The following CDV3 variants were observed in gnomAD, a reference collection of about 807,000 sequenced individuals.
CDV3 encodes protein CDV3 homolog.
In CDV3, 14 loss-of-function variants were observed where a neutral mutation model predicts 24.5. The ratio of observed to expected loss-of-function variants is 0.57; its 90% CI spans 0.38 to 0.89. The LOEUF is 0.89. Among genes scored for constraint, CDV3 ranks in the 40% least tolerant of loss-of-function variants. The pLI, the probability that CDV3 is intolerant of heterozygous loss-of-function variation, is 0.00. For missense variants in CDV3, 304 were observed against 310.2 expected, an observed-to-expected ratio of 0.98 and a Z score of 0.15; for synonymous variants, 114 against 114.1, an observed-to-expected ratio of 1.00 and a Z score of 0.00.
Position 133,574,246 on chromosome 3 carries a change from G to C in CDV3, c.202G>C (p.Ala68Pro), listed in dbSNP as rs1344229009. The C allele has an allele frequency of 1.3e-4, 127 of 991,286 alleles. No individual in the cohort carries two copies. The highest frequency in any genetic ancestry group is 1.5e-4 in the Non-Finnish European group (124 of 834,762). The allele number at this position is 991,286 out of a possible 1,614,324, so 61.4% of individuals were successfully genotyped here. The part of the protein sequence containing the change: ...PGDGGTASAG[A>P]AGPGAATKAV... ...TGACGGCGGGACCGCCAGCGCGGGGGCTGCGGGCCCAGGGGCCGCCACCAA... is the reference window on the plus strand; with the variant it reads ...TGACGGCGGGACCGCCAGCGCGGGGCCTGCGGGCCCAGGGGCCGCCACCAA... The change falls in exon 1 of 5, where the codon GCT becomes CCT. Residue 68 changes from alanine (A) to proline (P), a missense_variant. Physicochemically the swap from Ala to Pro is conservative, Grantham distance 27. Transcript: ENST00000264993.
chr3:133,587,617 C>T (rs956441776), intron 4 of CDV3: 66 of 1,151,420 alleles, frequency 5.7e-5, no homozygotes, highest in East Asian at 1.3e-4. Context: ...AATGTCATTA[C>T]ACAGCTTTTA....
At chr3:133,579,949 A>C (rs970084471) in intron 2 of CDV3, among the ~76,000 whole-genome samples, 1 of 152,176 alleles carries the variant, frequency 6.6e-6, no homozygotes, top group Non-Finnish European at 1.5e-5. Context: ...GTATTTCAGA[A>C]TCTTAACCCA....
intron 2 of CDV3, among the ~76,000 whole-genome samples, 154 bp downstream of exon 2, chr3:133,575,269 T>A (rs1181868329): frequency 6.6e-6 from 1 of 152,232 alleles, no homozygotes; most frequent in East Asian, 1.9e-4. Context: ...TCTTTCTCAC[T>A]CCATGGAGGC....
intron 3 of CDV3, among the ~76,000 whole-genome samples, chr3:133,585,957 C>T (rs1469845455): frequency 1.3e-5 from 2 of 152,212 alleles, no homozygotes; most frequent in African/African-American, 4.8e-5. Flanking sequence ...CCTGATGAGA[C>T]CAGTCATCCA....
chr3:133,579,637 G>A (rs1003510620), intron 2 of CDV3, among the ~76,000 whole-genome samples: 2 of 151,710 alleles, frequency 1.3e-5, no homozygotes, highest in African/African-American at 4.8e-5. Flanking sequence ...TTGTTACCCA[G>A]GCTGGGGTGC....
intron 3 of CDV3, 106 bp downstream of exon 3, chr3:133,584,256 G>T: frequency 1.3e-6 from 1 of 769,172 alleles, no homozygotes; most frequent in Non-Finnish European, 2.1e-6. Context: ...AGGAGGAGAG[G>T]CTCCTTTCCA....
At chr3:133,587,791 C>G (rs1933766998) in intron 4 of CDV3, 105 bp from the exon 5 acceptor site, 1 of 1,489,806 alleles carries the variant, frequency 6.7e-7, no homozygotes, top group Non-Finnish European at 8.9e-7. Context: ...CTACCCCTCC[C>G]CAGGATTCTT....
chr3:133,581,832 T>C (rs557803279), intron 2 of CDV3, among the ~76,000 whole-genome samples: 35 of 152,364 alleles, frequency 2.3e-4, no homozygotes, highest in African/African-American at 7.7e-4. Flanking sequence ...TTATATGACA[T>C]GAATACTACC....
rs1037231479 is a variant in CDV3 at position 133,580,808 on chromosome 3, T to A, written c.318-3194T>A. Among the ~76,000 whole-genome samples the A allele has an allele frequency of 5.3e-5, 8 of 152,294 alleles. No homozygotes were observed. In the South Asian group the frequency reaches 1.7e-3, roughly 32 times the overall value. ...CTCCCACCTTGGCCTTCCAAAGTGC[T>A]GGGATTAGGGCATGAGCCACTGCAC... On this transcript the variant is annotated intron_variant, in intron 2 of 4. Transcript: ENST00000264993.
At chr3:133,577,588 G>A (rs1385433755) in intron 2 of CDV3, among the ~76,000 whole-genome samples, 3 of 151,988 alleles carry the variant, frequency 2.0e-5, no homozygotes, top group Non-Finnish European at 4.4e-5. Context: ...TCAAACTCCC[G>A]ACCTCGGGTG....
intron 2 of CDV3, among the ~76,000 whole-genome samples, chr3:133,575,985 A>G (rs557641556): frequency 2.0e-5 from 3 of 152,358 alleles, no homozygotes; most frequent in South Asian, 4.1e-4. Flanking sequence ...TGAAGGTTGC[A>G]TTTTATAGGC....
At chr3:133,587,198 A>G (rs1238901962) in intron 4 of CDV3, 1 of 1,351,028 alleles carries the variant, frequency 7.4e-7, no homozygotes, top group South Asian at 1.8e-5. Flanking sequence ...TTAAATGACT[A>G]CATATGGCAC....
intron 3 of CDV3, among the ~76,000 whole-genome samples, chr3:133,584,390 G>C (rs980420925): frequency 6.6e-6 from 1 of 152,142 alleles, no homozygotes; most frequent in East Asian, 1.9e-4. Context: ...TATAGATATA[G>C]ACTAGTCGAT....
intron 4 of CDV3, 94 bp from the exon 5 acceptor site, chr3:133,587,802 C>G: frequency 1.3e-6 from 2 of 1,507,740 alleles, no homozygotes; most frequent in Non-Finnish European, 1.8e-6. Context: ...CAGGATTCTT[C>G]TAAGGGGTGG....
Position 133,573,945 on chromosome 3 carries a change from C to G in CDV3, c.-100C>G, listed in dbSNP as rs991669655. On this transcript the variant is annotated 5_prime_UTR_variant, in exon 1 of 5. Coordinates refer to ENST00000264993, the MANE Select transcript of CDV3 (RefSeq NM_017548.5). ...CGCGGGGCTGAGGCGTCGCCGCGCC[C>G]GGCAGCGTGAGCGCAGAGCCGGCCT... The G allele has an allele frequency of 1.0e-6, 1 of 962,964 alleles. No homozygotes were observed. Among genetic ancestry groups the G allele is most frequent in the Non-Finnish European group, 1.2e-6 (1 of 808,358 alleles). 59.7% of individuals were successfully genotyped at this position (962,964 alleles called of 1,614,324 possible).
In CDV3 at chr3:133,574,137, CGCGGGCGCA is replaced by C. The variant is rs750691426; in HGVS notation, c.100_108del (p.Ala34_Gly36del). ...AGCGGAGCAACCGGGCGGCGAGTGC[CGCGGGCGCA>C]GCGGGCAGCGCCGGCGGAAGCAGTG... is the stretch of plus-strand genomic sequence containing the variant. On this transcript the variant is annotated inframe_deletion, in exon 1 of 5. Transcript: ENST00000264993. The C allele has an allele frequency of 5.2e-5, 62 of 1,191,106 alleles. No individual in the cohort carries two copies. In the African/African-American group the frequency reaches 9.1e-4, roughly 17 times the overall value. 73.8% of individuals were successfully genotyped at this position (1,191,106 alleles called of 1,614,324 possible). A position where few individuals can be genotyped will look rare whatever the true frequency, so the allele number is the denominator to read the frequency against.
chr3:133,588,173 C>G lies in CDV3; in HGVS notation c.*127C>G. 6.5e-7 allele frequency: 1 copy of G among 1,539,744 alleles called. No homozygotes were observed. Among genetic ancestry groups the G allele is most frequent in the Non-Finnish European group, 8.7e-7 (1 of 1,144,082 alleles). On this transcript the variant is annotated 3_prime_UTR_variant, in exon 5 of 5. Coordinates refer to ENST00000264993, the MANE Select transcript of CDV3 (RefSeq NM_017548.5). ...CAGACCACTCGATTTCATGACCGGC[C>G]CTATTGCACTATGGAAGTTAAAGTG...
chr3:133,588,675 A>G lies in CDV3; in HGVS notation c.*629A>G, dbSNP rs1933847757. The stretch of plus-strand genomic sequence containing the variant: ...TGAAAAGAACTGATGTGTTCAGATC[A>G]TCTGTGTAGGGCTGTGATTTGTAAT... On this transcript the variant is annotated 3_prime_UTR_variant, in exon 5 of 5. Transcript: ENST00000264993. The G allele has an allele frequency of 2.4e-6, 1 of 424,176 alleles. No individual in the cohort carries two copies. Among genetic ancestry groups the G allele is most frequent in the Admixed American group, 3.9e-5 (1 of 25,918 alleles). 26.3% of individuals were successfully genotyped at this position (424,176 alleles called of 1,614,324 possible).
In CDV3 at chr3:133,574,270, A is replaced by G. The variant is rs2074713632; in HGVS notation, c.226A>G (p.Lys76Glu). 1 of 987,152 alleles carries G rather than the reference A, an allele frequency of 1.0e-6. No individual in the cohort carries two copies. Among genetic ancestry groups the G allele is most frequent in the Non-Finnish European group, 1.2e-6 (1 of 831,440 alleles). 61.1% of individuals were successfully genotyped at this position (987,152 alleles called of 1,614,324 possible). Residue 76 changes from lysine (K) to glutamate (E), a missense_variant, in exon 1 of 5, where the codon AAG becomes GAG. By Grantham distance (56) the Lys-to-Glu change is moderately conservative (BLOSUM62 1). Coordinates refer to ENST00000264993, the MANE Select transcript of CDV3 (RefSeq NM_017548.5). Reference sequence around the variant, plus strand: ...GGCTGCGGGCCCAGGGGCCGCCACCAAGGCTGTGACGAAGGTGAGGGGCCG... The same window carrying G: ...GGCTGCGGGCCCAGGGGCCGCCACCGAGGCTGTGACGAAGGTGAGGGGCCG... Reference protein sequence around the residue: ...AGAAGPGAATKAVTKDEDEWK... With the variant: ...AGAAGPGAATEAVTKDEDEWK...
Sources: gnomAD v4.1 joint callset for allele counts (sites outside exome capture counted in the v4.1 genomes callset) on GRCh38, gnomAD v4.1.1 for gene constraint, MANE v1.5 for transcripts, NCBI Gene and HGNC (gene_info 2026-07-23, HGNC 2026-07-21) for gene names.